TENM3: variants seen among roughly 807,000 people sequenced by gnomAD.
TENM3 encodes the protein teneurin transmembrane protein 3.
In TENM3, 63 loss-of-function variants were observed where a neutral mutation model predicts 255.1. The ratio of observed to expected loss-of-function variants is 0.25; its 90% CI spans 0.20 to 0.30. TENM3 has a LOEUF of 0.30. Ranked by LOEUF, TENM3 falls within the 10% of genes least tolerant of loss-of-function variation. TENM3 has a pLI of 1.00. For missense variants in TENM3, 2,929 were observed against 3,461.1 expected, an observed-to-expected ratio of 0.85 and a Z score of 3.86; for synonymous variants, 1,306 against 1,322.3, an observed-to-expected ratio of 0.99 and a Z score of 0.27.
intron 1 of TENM3, among the ~76,000 whole-genome samples, chr4:182,198,934 G>GA: frequency 6.6e-6 from 1 of 152,232 alleles, no homozygotes; most frequent in Middle Eastern, 3.4e-3. Flanking sequence ...AATTATAACT[G>GA]AAAAAAGTTC....
At chr4:182,746,053 A>C (rs1466130154) in intron 19 of TENM3, among the ~76,000 whole-genome samples, 1 of 152,216 alleles carries the variant, frequency 6.6e-6, no homozygotes, top group African/African-American at 2.4e-5. Flanking sequence ...ACATGAAATC[A>C]ATCAGCGTTA....
chr4:181,637,109 G>A, the TENM3 span, among the ~76,000 whole-genome samples: 1 of 152,144 alleles, frequency 6.6e-6, no homozygotes. Flanking sequence ...ACCTTCCCAT[G>A]AAGACCTTCT....
At chr4:182,066,599 A>AAAAAATATATATAT in the TENM3 span, among the ~76,000 whole-genome samples, 13 of 137,104 alleles carry the variant, frequency 9.5e-5, no homozygotes, top group African/African-American at 3.7e-4. Context: ...GTAAAAAAAA[A>AAAAAATATATATAT]ATATATATAT....
chr4:182,242,489 G>C (rs62354182), upstream of TENM3, among the ~76,000 whole-genome samples: 1 of 151,952 alleles, frequency 6.6e-6, no homozygotes, highest in South Asian at 2.1e-4. Context: ...GGCCCAGCAC[G>C]GTGGCTCATG....
At chr4:182,025,101 T>A in the TENM3 span, among the ~76,000 whole-genome samples, 17 of 148,178 alleles carry the variant, frequency 1.1e-4, no homozygotes, top group African/African-American at 3.5e-4. Flanking sequence ...CGACCTCGGC[T>A]CACTGCAAGC....
the TENM3 span, among the ~76,000 whole-genome samples, chr4:182,083,519 T>C: frequency 6.6e-6 from 1 of 152,208 alleles, no homozygotes; most frequent in African/African-American, 2.4e-5. Flanking sequence ...TTTTCAACTG[T>C]AGAAGTGCAA....
chr4:182,031,986 T>A, the TENM3 span, among the ~76,000 whole-genome samples: 2 of 152,218 alleles, frequency 1.3e-5, no homozygotes, highest in Non-Finnish European at 2.9e-5. Flanking sequence ...TATAGGATCA[T>A]GTCATCTGCA....
intron 6 of TENM3, among the ~76,000 whole-genome samples, chr4:182,662,964 A>G (rs1024009207): frequency 9.2e-5 from 14 of 152,340 alleles, no homozygotes; most frequent in Admixed American, 9.2e-4. Flanking sequence ...AGTCCCCTGT[A>G]TTCAAACTAG....
At chr4:181,561,559 T>A in the TENM3 span, among the ~76,000 whole-genome samples, 1 of 152,222 alleles carries the variant, frequency 6.6e-6, no homozygotes, top group East Asian at 1.9e-4. Flanking sequence ...TGTACATTAT[T>A]ACTTTATAAA....
intron 4 of TENM3, among the ~76,000 whole-genome samples, chr4:182,621,810 T>TTA (rs10551627): frequency 9.1e-5 from 9 of 98,384 alleles, no homozygotes; most frequent in African/African-American, 3.8e-4. Context: ...AATATATATA[T>TTA]TATATATATA....
chr4:181,515,422 A>T, the TENM3 span, among the ~76,000 whole-genome samples: 2 of 151,916 alleles, frequency 1.3e-5, no homozygotes, highest in Non-Finnish European at 2.9e-5. Flanking sequence ...CCCTTCTCCA[A>T]TTTGCATTGA....
At chr4:181,624,034 T>A in the TENM3 span, among the ~76,000 whole-genome samples, 1 of 152,196 alleles carries the variant, frequency 6.6e-6, no homozygotes, top group Non-Finnish European at 1.5e-5. Flanking sequence ...TTTTTGATAT[T>A]CTGAGCAAAT....
At chr4:181,979,531 C>T in the TENM3 span, among the ~76,000 whole-genome samples, 2 of 152,200 alleles carry the variant, frequency 1.3e-5, no homozygotes, top group Non-Finnish European at 2.9e-5. Context: ...GAGGTGAAAC[C>T]TTGATTCCAG....
At chr4:182,053,317 G>A in the TENM3 span, among the ~76,000 whole-genome samples, 3 of 152,188 alleles carry the variant, frequency 2.0e-5, no homozygotes, top group East Asian at 5.8e-4. Context: ...ACAGTGCTTA[G>A]CGTTTAGTGG....
the TENM3 span, among the ~76,000 whole-genome samples, chr4:181,518,660 C>A: frequency 1.3e-5 from 2 of 152,278 alleles, no homozygotes; most frequent in East Asian, 3.9e-4. Flanking sequence ...AACTCCTGAC[C>A]TCGTGATCCG....
At chr4:181,947,362 T>C in the TENM3 span, among the ~76,000 whole-genome samples, 1 of 152,242 alleles carries the variant, frequency 6.6e-6, no homozygotes, top group Non-Finnish European at 1.5e-5. Context: ...TTTATTGTTT[T>C]AATAGACAGG....
intron 17 of TENM3, 113 bp downstream of exon 17, chr4:182,737,188 G>T: frequency 8.8e-7 from 1 of 1,130,520 alleles, no homozygotes; most frequent in Non-Finnish European, 1.3e-6. Context: ...AAGAGAATAA[G>T]GTTGTCCTAG....
At chr4:182,067,471 A>C in the TENM3 span, among the ~76,000 whole-genome samples, 2 of 152,190 alleles carry the variant, frequency 1.3e-5, no homozygotes, top group Non-Finnish European at 2.9e-5. Context: ...GCCAAAATAA[A>C]AAGGTAATAT....
At chr4:182,459,331 A>G (rs1774147956) in intron 3 of TENM3, among the ~76,000 whole-genome samples, 1 of 152,204 alleles carries the variant, frequency 6.6e-6, no homozygotes, top group Non-Finnish European at 1.5e-5. Flanking sequence ...AAGCAATAGT[A>G]TTCATCTCGG....
Sources: gnomAD v4.1 joint callset for allele counts (sites outside exome capture counted in the v4.1 genomes callset) on GRCh38, gnomAD v4.1.1 for gene constraint, MANE v1.5 for transcripts, NCBI Gene and HGNC (gene_info 2026-07-23, HGNC 2026-07-21) for gene names.